The following FAM149B1 variants were observed in gnomAD, a reference collection of about 807,000 sequenced individuals.
FAM149B1 encodes the protein family with sequence similarity 149 member B1, also known as primary cilium assembly protein FAM149B1.
FAM149B1 carries 56 observed loss-of-function variants against 75.3 expected under a neutral mutation model. The ratio of observed to expected loss-of-function variants is 0.74; its 90% CI spans 0.60 to 0.93. The LOEUF (loss-of-function observed/expected upper bound fraction) is 0.93. Ranked by LOEUF, FAM149B1 falls within the 40% of genes least tolerant of loss-of-function variation. The probability of loss-of-function intolerance (pLI) is 0.00; values close to 1 mark genes in which losing one functional copy is unlikely to be tolerated. For missense variants in FAM149B1, 639 were observed against 708.4 expected (o/e 0.90, Z 1.11); for synonymous variants, 259 against 256.1 (o/e 1.01, Z -0.11).
chr10:73,207,599 A>G (rs2133363761), intron 5 of FAM149B1, among the ~76,000 whole-genome samples: 1 of 152,238 alleles, frequency 6.6e-6, no homozygotes, highest in East Asian at 1.9e-4. Flanking sequence ...GAAAAAAGAA[A>G]GCTGCAGGCA....
At chr10:73,199,960 T>G (rs2042895013) in intron 5 of FAM149B1, 1 of 186,982 alleles carries the variant, frequency 5.3e-6, no homozygotes, top group Non-Finnish European at 1.2e-5. Flanking sequence ...AAAAGTCTCT[T>G]CTTTGGGGTA....
intron 7 of FAM149B1, among the ~76,000 whole-genome samples, chr10:73,215,395 AT>A (rs966982203): frequency 7.9e-5 from 12 of 151,224 alleles, no homozygotes; most frequent in African/African-American, 2.4e-4. Context: ...AATTAAAAAA[AT>A]TTTTTTTTAG....
intron 7 of FAM149B1, among the ~76,000 whole-genome samples, chr10:73,216,324 T>A (rs1266717631): frequency 1.3e-5 from 2 of 152,222 alleles, no homozygotes; most frequent in Non-Finnish European, 2.9e-5. Flanking sequence ...CAGCATATAG[T>A]TGGATTATTT....
At chr10:73,230,693 G>GTAAC (rs1346491789) in intron 9 of FAM149B1, 168 bp downstream of exon 9, 7 of 556,222 alleles carry the variant, frequency 1.3e-5, no homozygotes, top group African/African-American at 1.1e-4. Context: ...GGCTGATAAT[G>GTAAC]TAACTGGAAA....
intron 3 of FAM149B1, among the ~76,000 whole-genome samples, chr10:73,182,267 T>G (rs1212504901): frequency 6.7e-6 from 1 of 148,678 alleles, no homozygotes; most frequent in Admixed American, 6.9e-5. Context: ...CAGGCTAGAG[T>G]GCAGTGGCAC....
intron 7 of FAM149B1, among the ~76,000 whole-genome samples, chr10:73,213,795 G>C (rs902142752): frequency 6.6e-6 from 1 of 151,996 alleles, no homozygotes; most frequent in Admixed American, 6.5e-5. Flanking sequence ...GATTATTTTA[G>C]CTATTTGAGC....
intron 7 of FAM149B1, among the ~76,000 whole-genome samples, chr10:73,220,566 G>C (rs1261709898): frequency 1.3e-5 from 2 of 152,164 alleles, no homozygotes; most frequent in Non-Finnish European, 2.9e-5. Context: ...TGTGTTGTGG[G>C]ATGAATTGTT....
intron 7 of FAM149B1, among the ~76,000 whole-genome samples, chr10:73,221,936 A>T (rs945269321): frequency 2.0e-5 from 3 of 152,004 alleles, no homozygotes; most frequent in Non-Finnish European, 2.9e-5. Flanking sequence ...AGTGTATTTC[A>T]TGTGAGATAT....
chr10:73,195,629 C>T (rs1368606115), intron 5 of FAM149B1, among the ~76,000 whole-genome samples: 1 of 152,148 alleles, frequency 6.6e-6, no homozygotes, highest in African/African-American at 2.4e-5. Flanking sequence ...GAAATCAAGT[C>T]TGAGCAGTTA....
intron 7 of FAM149B1, among the ~76,000 whole-genome samples, chr10:73,225,047 A>C (rs1431388274): frequency 6.6e-6 from 1 of 152,184 alleles, no homozygotes; most frequent in Non-Finnish European, 1.5e-5. Context: ...CTCATTACTG[A>C]TGTGTTTGTG....
chr10:73,170,329 C>G (rs1843658812), intron 1 of FAM149B1, among the ~76,000 whole-genome samples: 1 of 151,960 alleles, frequency 6.6e-6, no homozygotes, highest in Non-Finnish European at 1.5e-5. Context: ...ATGGTGAAAC[C>G]CTGTCTCTAC....
chr10:73,225,607 A>G (rs1004463938), intron 7 of FAM149B1, among the ~76,000 whole-genome samples: 1 of 152,220 alleles, frequency 6.6e-6, no homozygotes, highest in Non-Finnish European at 1.5e-5. Context: ...AACTAAGGGT[A>G]ATTTTTTGAA....
chr10:73,203,981 T>G (rs1243087613), intron 5 of FAM149B1, among the ~76,000 whole-genome samples: 1 of 152,100 alleles, frequency 6.6e-6, no homozygotes, highest in Non-Finnish European at 1.5e-5. Flanking sequence ...GTCATATCCT[T>G]AAAGGAAATC....
intron 3 of FAM149B1, among the ~76,000 whole-genome samples, chr10:73,184,667 A>G (rs1000626157): frequency 1.3e-5 from 2 of 152,212 alleles, no homozygotes; most frequent in Non-Finnish European, 2.9e-5. Flanking sequence ...TCACTCTTCT[A>G]AATAACCCAT....
intron 6 of FAM149B1, 141 bp downstream of exon 6, chr10:73,208,927 C>T (rs2043127278): frequency 1.9e-6 from 1 of 531,672 alleles, no homozygotes; most frequent in African/African-American, 2.0e-5. Context: ...TCTCAGGTAT[C>T]CAGAATTTAT....
chr10:73,192,598 A>G lies in FAM149B1; in HGVS notation c.325A>G (p.Thr109Ala). 6.4e-7 allele frequency: 1 copy of G among 1,552,004 alleles called. No homozygotes were observed. The change falls in exon 4 of 14, where the codon ACA becomes GCA. Residue 109 changes from threonine to alanine, a missense_variant. By Grantham distance (58) the Thr-to-Ala change is moderately conservative. Coordinates refer to ENST00000242505, the MANE Select transcript of FAM149B1 (RefSeq NM_173348.2). ...CACTGAAAAAGTCCAGACAATGTTC[A>G]CAGCCATTGATGAACTCTTGTATGA... ...NATEKVQTMFTAIDELLYEQK... is the reference protein window; with the variant it reads ...NATEKVQTMFAAIDELLYEQK...
At chr10:73,236,629 G>A (rs192350442) in intron 12 of FAM149B1, among the ~76,000 whole-genome samples, 93 of 151,806 alleles carry the variant, frequency 6.1e-4, no homozygotes, top group African/African-American at 2.2e-3. Flanking sequence ...GGCCAGGCTG[G>A]TCTCGAACTC....
chr10:73,184,416 C>T (rs753887583), intron 3 of FAM149B1, among the ~76,000 whole-genome samples: 2 of 151,950 alleles, frequency 1.3e-5, no homozygotes, highest in East Asian at 1.9e-4. Flanking sequence ...TACTTGTAGA[C>T]CACCTAGACA....
chr10:73,177,316 G>A (rs1432712235), intron 2 of FAM149B1, among the ~76,000 whole-genome samples: 2 of 152,034 alleles, frequency 1.3e-5, no homozygotes, highest in Non-Finnish European at 2.9e-5. Flanking sequence ...GCTTATGCCT[G>A]TAAATCCTAG....
Sources: gnomAD v4.1 joint callset for allele counts (sites outside exome capture counted in the v4.1 genomes callset) on GRCh38, gnomAD v4.1.1 for gene constraint, MANE v1.5 for transcripts, NCBI Gene and HGNC (gene_info 2026-07-23, HGNC 2026-07-21) for gene names.